ELN: variants seen among roughly 807,000 people sequenced by gnomAD.
ELN encodes the protein elastin.
ELN carries 65 observed loss-of-function variants against 105.8 expected under a neutral mutation model. That is an observed-to-expected ratio of 0.61 (90% CI 0.50 to 0.75). The LOEUF (loss-of-function observed/expected upper bound fraction) is 0.75, where lower values mean the gene tolerates loss of function less well. Ranked by LOEUF, ELN falls within the 30% of genes least tolerant of loss-of-function variation. ELN has a pLI of 0.00. For synonymous variants in ELN, 368 were observed against 389.2 expected (o/e 0.95, Z 0.64); for missense variants, 882 against 969.4 (o/e 0.91, Z 1.20).
chr7:74,046,595 T>C, intron 11 of ELN, 101 bp from the exon 12 acceptor site: 1 of 1,286,312 alleles, frequency 7.8e-7, no homozygotes, highest in Non-Finnish European at 1.1e-6. Flanking sequence ...GGTTTCTGGA[T>C]GCTGTAGCAA....
At chr7:74,044,807 G>C (rs1473389886) in intron 9 of ELN, among the ~76,000 whole-genome samples, 1 of 152,268 alleles carries the variant, frequency 6.6e-6, no homozygotes, top group Non-Finnish European at 1.5e-5. Flanking sequence ...GGTCCCAGCT[G>C]TAGCTGGATG....
At chr7:74,028,328 G>A (rs1398514177) in intron 1 of ELN, 59 bp downstream of exon 1, 2 of 1,558,396 alleles carry the variant, frequency 1.3e-6, no homozygotes, top group Non-Finnish European at 1.7e-6. Flanking sequence ...CTTTGGGCCA[G>A]GTGACTAGAC....
At chr7:74,030,050 C>T (rs897194506) in intron 1 of ELN, among the ~76,000 whole-genome samples, 1 of 152,248 alleles carries the variant, frequency 6.6e-6, no homozygotes, top group Non-Finnish European at 1.5e-5. Flanking sequence ...TCCTCAGTGA[C>T]ACCGCTAAAC....
At position 74,061,081 on chromosome 7, in the gene ELN, C is replaced by T. The variant is rs200283836; in HGVS notation, c.1748-20C>T. The T allele has an allele frequency of 1.7e-4, 275 of 1,614,112 alleles. 1 individual carries two copies. In the East Asian group the frequency reaches 5.9e-3, roughly 35 times the overall value. ...CAGAGCTCGGCTCCTGACCACTCCC[C>T]AACTTTTCTTTCTCCCCAGTACCTG... On this transcript the variant is annotated intron_variant, in intron 25 of 32. Transcript: ENST00000252034.
intron 19 of ELN, among the ~76,000 whole-genome samples, chr7:74,055,105 G>A (rs1267987128): frequency 1.3e-5 from 2 of 152,236 alleles, no homozygotes; most frequent in Admixed American, 6.5e-5. Context: ...GGGTCTTCCC[G>A]AAGTGCTCAG....
intron 19 of ELN, among the ~76,000 whole-genome samples, chr7:74,055,470 TTTTTTC>T (rs1393222392): frequency 6.6e-6 from 1 of 151,852 alleles, no homozygotes; most frequent in South Asian, 2.1e-4. Flanking sequence ...ATTTTAATTT[TTTTTTC>T]TTTTTCTTTT....
chr7:74,060,495 G>C lies in ELN; in HGVS notation c.1741G>C (p.Gly581Arg), dbSNP rs17855988. Residue 581 changes from glycine (G) to arginine (R), a missense_variant, in exon 25 of 33, where the codon GGG becomes CGG. Gly to Arg is a moderately radical substitution (Grantham distance 125). Coordinates refer to ENST00000252034, the MANE Select transcript of ELN (RefSeq NM_000501.4). ...LGVGAGVPGFGAVPGALAAAK... is the reference protein window; with the variant it reads ...LGVGAGVPGFRAVPGALAAAK... ...AGTTGGTGCTGGTGTTCCTGGCTTCGGGGCAGGTGCAGATGAGGGAGTTAG... is the reference window on the plus strand; with the variant it reads ...AGTTGGTGCTGGTGTTCCTGGCTTCCGGGCAGGTGCAGATGAGGGAGTTAG... 0.085 allele frequency: 137,839 copies of C among 1,614,208 alleles called. 6,730 individuals are homozygous for C. Among genetic ancestry groups the C allele is most frequent in the Non-Finnish European group, 0.099 (116,344 of 1,180,020 alleles).
intron 22 of ELN, among the ~76,000 whole-genome samples, chr7:74,059,325 T>C (rs903999053): frequency 1.3e-5 from 2 of 152,162 alleles, no homozygotes; most frequent in African/African-American, 4.8e-5. Context: ...CAAAGTCCCT[T>C]ATATAATGTA....
intron 31 of ELN, 25 bp from the exon 32 acceptor site, chr7:74,066,707 C>T (rs1798036087): frequency 6.2e-7 from 1 of 1,613,890 alleles, no homozygotes; most frequent in Admixed American, 1.7e-5. Flanking sequence ...CCTACCAACC[C>T]ACCAACCTGA....
intron 1 of ELN, among the ~76,000 whole-genome samples, chr7:74,031,109 C>T (rs1395294068): frequency 1.3e-5 from 2 of 152,226 alleles, no homozygotes; most frequent in African/African-American, 4.8e-5. Context: ...GCCCCAGGCT[C>T]GCTCCCAAAC....
intron 13 of ELN, 79 bp from the exon 14 acceptor site, chr7:74,048,063 C>G (rs55886810): frequency 6.3e-7 from 1 of 1,582,220 alleles, no homozygotes; most frequent in Non-Finnish European, 8.7e-7. Flanking sequence ...GCTTGGGCCC[C>G]GAGGGCAGAG....
At chr7:74,061,059 A>G (rs1413489769) in intron 25 of ELN, 42 bp from the exon 26 acceptor site, 2 of 1,613,650 alleles carry the variant, frequency 1.2e-6, no homozygotes, top group Non-Finnish European at 1.7e-6. Context: ...CCAGGCACAG[A>G]GCTCGGCTCC....
rs528982794 is a variant in ELN, at chr7:74,043,999, G to A, written c.469+79G>A. On this transcript the variant is annotated intron_variant, in intron 9 of 32. Coordinates refer to ENST00000252034, the MANE Select transcript of ELN (RefSeq NM_000501.4). Reference sequence around the variant, plus strand: ...AGTGGCTCATGCCTATAATCCCATTGCTTTGGGAGACTGAGGCAGGAGGAT... The same window carrying A: ...AGTGGCTCATGCCTATAATCCCATTACTTTGGGAGACTGAGGCAGGAGGAT... 49 of 1,573,872 alleles carry A rather than the reference G, an allele frequency of 3.1e-5. No homozygotes were observed. In the South Asian group the frequency reaches 5.4e-4, roughly 17 times the overall value.
At position 74,068,825 on chromosome 7, in the gene ELN, G is replaced by T. The variant is rs1420921912; in HGVS notation, c.*125G>T. 3.2e-6 allele frequency: 4 copies of T among 1,265,678 alleles called. No homozygotes were observed. Among genetic ancestry groups the T allele is most frequent in the Non-Finnish European group, 4.6e-6 (4 of 874,248 alleles). 78.4% of individuals were successfully genotyped at this position (1,265,678 alleles called of 1,614,324 possible). Reference sequence around the variant, plus strand: ...CCCCACCCCAGGAGGGAACGGGCAGGCCGGGCGGCCTTGCAGATCCACAGG... The same window carrying T: ...CCCCACCCCAGGAGGGAACGGGCAGTCCGGGCGGCCTTGCAGATCCACAGG... On this transcript the variant is annotated 3_prime_UTR_variant, in exon 33 of 33. Transcript: ENST00000252034.
chr7:74,062,490 T>G (rs1369050629), intron 26 of ELN, among the ~76,000 whole-genome samples: 1 of 152,014 alleles, frequency 6.6e-6, no homozygotes, highest in African/African-American at 2.4e-5. Context: ...AAAAATGGGC[T>G]GCTAAGTGTG....
chr7:74,028,398 A>T, intron 1 of ELN, 129 bp downstream of exon 1: 1 of 1,085,774 alleles, frequency 9.2e-7, no homozygotes, highest in Non-Finnish European at 1.3e-6. Flanking sequence ...GGAGCCCCTC[A>T]GCCACTGGGT....
At chr7:74,061,800 A>G (rs1376393058) in intron 26 of ELN, among the ~76,000 whole-genome samples, 2 of 152,068 alleles carry the variant, frequency 1.3e-5, no homozygotes, top group Non-Finnish European at 2.9e-5. Flanking sequence ...GTTGCCCCCC[A>G]GGAGGCAATT....
At chr7:74,052,383 G>T in intron 17 of ELN, 1 of 268,736 alleles carries the variant, frequency 3.7e-6, no homozygotes, top group Non-Finnish European at 7.3e-6. Context: ...AGGAGTTTGA[G>T]ACCAGCCTGA....
intron 29 of ELN, among the ~76,000 whole-genome samples, chr7:74,064,332 G>A (rs529411264): frequency 5.2e-4 from 78 of 151,202 alleles, no homozygotes; most frequent in African/African-American, 1.6e-3. Flanking sequence ...GAAGAATGGC[G>A]TGAACCTGGG....
Sources: gnomAD v4.1 joint callset for allele counts (sites outside exome capture counted in the v4.1 genomes callset) on GRCh38, gnomAD v4.1.1 for gene constraint, MANE v1.5 for transcripts, NCBI Gene and HGNC (gene_info 2026-07-23, HGNC 2026-07-21) for gene names.